Variants in MMP1 observed in about 807,000 individuals in gnomAD.
MMP1 encodes interstitial collagenase.
MMP1 carries 51 observed loss-of-function variants against 49.6 expected under a neutral mutation model. The observed-to-expected ratio is 1.03, with a 90% confidence interval of 0.82 to 1.30. The LOEUF (loss-of-function observed/expected upper bound fraction) is 1.30. Ranked by LOEUF, MMP1 falls within the 50% of genes most tolerant of loss-of-function variation. The probability of loss-of-function intolerance (pLI) is 0.00; values close to 1 mark genes in which losing one functional copy is unlikely to be tolerated. For synonymous variants in MMP1, 230 were observed against 196.8 expected (o/e 1.17, Z -1.41); for missense variants, 623 against 568.7 (o/e 1.10, Z -0.97).
At chr11:102,791,565 A>G in intron 7 of MMP1, 70 bp from the exon 8 acceptor site, 4 of 1,557,676 alleles carry the variant, frequency 2.6e-6, no homozygotes, top group Non-Finnish European at 3.5e-6. Context: ...ATTTTCAGCT[A>G]AGTTCTTAGT....
At chr11:102,795,665 T>C in intron 4 of MMP1, 58 bp from the exon 5 acceptor site, 1 of 1,397,314 alleles carries the variant, frequency 7.2e-7, no homozygotes, top group Non-Finnish European at 9.7e-7. Flanking sequence ...TTTTGAGGCA[T>C]TTAACTAATA....
At chr11:102,796,824 T>C (rs374132187) in intron 3 of MMP1, 35 bp from the exon 4 acceptor site, 7 of 1,606,492 alleles carry the variant, frequency 4.4e-6, no homozygotes, top group Non-Finnish European at 5.1e-6. Context: ...TTCCTTGTGG[T>C]TCTTATGTAA....
Position 102,790,413 on chromosome 11 carries a change from C to A in MMP1, c.1409G>T (p.Ter470LeuextTer5). 2 of 1,576,086 alleles carry A rather than the reference C, an allele frequency of 1.3e-6. No individual in the cohort carries two copies. The highest frequency in any genetic ancestry group is 1.1e-5 in the South Asian group (1 of 87,042). Residue 470 changes from the stop codon to leucine (L), a stop_lost, in exon 10 of 10, where the codon TGA (stop) becomes TTA (leucine). Transcript: ENST00000315274. ...GTTTTCCATTCAAATTAGTAATGTTCAATTTTTCCTGCAGTTGAACCAGCT... is the reference window on the plus strand; with the variant it reads ...GTTTTCCATTCAAATTAGTAATGTTAAATTTTTCCTGCAGTTGAACCAGCT... ...ANSWFNCRKN[*>L]
At chr11:102,792,103 C>G (rs931045123) in intron 7 of MMP1, among the ~76,000 whole-genome samples, 3 of 152,282 alleles carry the variant, frequency 2.0e-5, no homozygotes, top group Admixed American at 1.3e-4. Flanking sequence ...GAATTTGAAA[C>G]TTTCTGTCTC....
chr11:102,796,923 A>G, intron 3 of MMP1, 91 bp downstream of exon 3: 2 of 1,541,072 alleles, frequency 1.3e-6, no homozygotes, highest in East Asian at 4.5e-5. Flanking sequence ...GAGCCCATAA[A>G]ATCAACATTC....
rs748413069 is a variant in MMP1, at chr11:102,790,457, C to T, written c.1365G>A (p.Leu455=). The change falls in exon 10 of 10, where the codon TTG becomes TTA. Residue 455 remains leucine, a synonymous_variant. Coordinates refer to ENST00000315274, the MANE Select transcript of MMP1 (RefSeq NM_002421.4). ...YKFDPKTKRI[L]TLQKANSWFN... Reference sequence around the variant, plus strand: ...ACCAGCTATTAGCTTTCTGGAGAGTCAAAATTCTCTTCGTTTTAGGATCAA... The same window carrying T: ...ACCAGCTATTAGCTTTCTGGAGAGTTAAAATTCTCTTCGTTTTAGGATCAA... 6.2e-7 allele frequency: 1 copy of T among 1,611,004 alleles called. No individual in the cohort carries two copies. Among genetic ancestry groups the T allele is most frequent in the Middle Eastern group, 1.7e-4 (1 of 5,904 alleles).
Position 102,791,463 on chromosome 11 carries a change from C to T in MMP1, c.1066G>A (p.Val356Met), listed in dbSNP as rs368596887. The T allele has an allele frequency of 2.5e-6, 4 of 1,613,896 alleles. No individual in the cohort carries two copies. Among genetic ancestry groups the T allele is most frequent in the East Asian group, 4.5e-5 (2 of 44,902 alleles). The change falls in exon 8 of 10, where the codon GTG becomes ATG. Residue 356 changes from valine (V) to methionine (M), a missense_variant. By Grantham distance (21) the Val-to-Met change is conservative (BLOSUM62 1). Coordinates refer to ENST00000315274, the MANE Select transcript of MMP1 (RefSeq NM_002421.4). ...NKYWAVQGQN[V>M]LHGYPKDIYS... ...ATGTCCTTGGGGTATCCGTGTAGCA[C>T]ATTCTGTCCCTGAACAGCCCAGTAC...
chr11:102,792,728 G>GC lies in MMP1; in HGVS notation c.909dup (p.Arg304AlafsTer10). On this transcript the variant is annotated frameshift_variant, in exon 7 of 10. Coordinates refer to ENST00000315274, the MANE Select transcript of MMP1 (RefSeq NM_002421.4). LOFTEE classifies it high-confidence loss of function. Reference sequence around the variant, plus strand: ...ACTTCCGGGTAGAAGGGATTTGTGCGCATGTAGAATCTGATTAGAAAAAAA... The same window carrying GC: ...ACTTCCGGGTAGAAGGGATTTGTGCGCCATGTAGAATCTGATTAGAAAAAAA... The GC allele has an allele frequency of 6.2e-7, 1 of 1,611,668 alleles. No individual in the cohort carries two copies. The highest frequency in any genetic ancestry group is 1.1e-5 in the South Asian group (1 of 90,668).
chr11:102,790,633 G>A (rs1249145023), intron 9 of MMP1, 70 bp downstream of exon 9: 5 of 1,371,696 alleles, frequency 3.6e-6, no homozygotes, highest in South Asian at 2.4e-5. Context: ...GGCATTTGCT[G>A]TTCCAACTAA....
At chr11:102,790,990 C>T (rs547794642) in intron 8 of MMP1, among the ~76,000 whole-genome samples, 184 bp from the exon 9 acceptor site, 2 of 152,342 alleles carry the variant, frequency 1.3e-5, no homozygotes, top group Non-Finnish European at 2.9e-5. Context: ...TAAGGCCCCT[C>T]TGAAATCCAG....
Position 102,795,289 on chromosome 11 carries a change from G to C in MMP1, c.784C>G (p.Arg262Gly), listed in dbSNP as rs12282811. 9 of 1,613,688 alleles carry C rather than the reference G, an allele frequency of 5.6e-6. No homozygotes were observed. The highest frequency in any genetic ancestry group is 5.3e-5 in the African/African-American group (4 of 74,904). ...DIDGIQAIYG[R>G]SQNPVQPIGP... is the part of the protein sequence containing the mutation. The stretch of plus-strand genomic sequence containing the variant: ...ATGGGCTGGACAGGATTTTGGGAAC[G>C]TCCTAAGGAAAATAAAATACCTAGA... The change falls in exon 6 of 10, where the codon CGT (arginine) becomes GGT (glycine). Residue 262 changes from arginine (R) to glycine (G), a missense_variant and splice_region_variant. Transcript: ENST00000315274.
At position 102,798,044 on chromosome 11, in the gene MMP1, A is replaced by T. The variant is rs1212303526; in HGVS notation, c.49T>A (p.Ser17Thr). Residue 17 changes from serine to threonine, a missense_variant, in exon 1 of 10, where the codon TCT (serine) becomes ACT (threonine). Ser to Thr is a moderately conservative substitution (Grantham distance 58, BLOSUM62 1). Transcript: ENST00000315274. The part of the protein sequence containing the change: ...LLLLLFWGVV[S>T]HSFPATLETQ... ...TCTAGAGTCGCTGGGAAGCTGTGAG[A>T]CACCACACCCCAGAACAGCAGCAGC... The T allele has an allele frequency of 1.9e-6, 3 of 1,613,534 alleles. No homozygotes were observed. The highest frequency in any genetic ancestry group is 1.7e-6 in the Non-Finnish European group (2 of 1,179,972).
rs552936700 is a variant in MMP1, at chr11:102,794,941, A to G, written c.899+233T>C. ...GCTAATCTGTAAAAAAAGATCATAC[A>G]TACTGATTTTCAAAATCAACTATAT... On this transcript the variant is annotated intron_variant, in intron 6 of 9. Coordinates refer to ENST00000315274, the MANE Select transcript of MMP1 (RefSeq NM_002421.4). This position sits in a 1 kb window ranked among gnomAD's most constrained non-coding sequence, Gnocchi z 4.3. Among the ~76,000 whole-genome samples the G allele has an allele frequency of 6.6e-6, 1 of 152,352 alleles. No homozygotes were observed. The highest frequency in any genetic ancestry group is 1.9e-4 in the East Asian group (1 of 5,188).
At position 102,790,191 on chromosome 11, in the gene MMP1, C is replaced by T; in HGVS notation, c.*221G>A. 1 of 364,640 alleles carries T rather than the reference C, an allele frequency of 2.7e-6. No individual in the cohort carries two copies. Among genetic ancestry groups the T allele is most frequent in the East Asian group, 4.9e-5 (1 of 20,448 alleles). 22.6% of individuals were successfully genotyped at this position (364,640 alleles called of 1,614,324 possible). On this transcript the variant is annotated 3_prime_UTR_variant, in exon 10 of 10. Coordinates refer to ENST00000315274, the MANE Select transcript of MMP1 (RefSeq NM_002421.4). ...CCTATATGAATCCATAAGCCACAAA[C>T]TTGACTTTTTGTACCCACCATTTGT... is the stretch of plus-strand genomic sequence containing the variant.
rs189889879 is a variant in MMP1 at position 102,791,015 on chromosome 11, G to A, written c.1197-209C>T. 4.6e-5 allele frequency among the ~76,000 whole-genome samples: 7 copies of A among 152,338 alleles called. No homozygotes were observed. The East Asian group carries it at 9.6e-4, about 21-fold the overall frequency. ...CTGAAATCCAGCATCGAATTCTCCA[G>A]TAGGTTCTACGCTATGTCCTATCGA... On this transcript the variant is annotated intron_variant, in intron 8 of 9. Transcript: ENST00000315274.
At position 102,795,200 on chromosome 11, in the gene MMP1, C is replaced by T. The variant is rs768176596; in HGVS notation, c.873G>A (p.Arg291=). Residue 291 remains arginine, a synonymous_variant, in exon 6 of 10, where the codon CGG becomes CGA. Transcript: ENST00000315274. ...KLTFDAITTI[R]GEVMFFKDRF... ...TGTCTTTAAAGAACATCACTTCTCCCCGAATCGTAGTTATAGCATCAAAGG... is the reference window on the plus strand; with the variant it reads ...TGTCTTTAAAGAACATCACTTCTCCTCGAATCGTAGTTATAGCATCAAAGG... 9 of 1,613,860 alleles carry T rather than the reference C, an allele frequency of 5.6e-6. No homozygotes were observed. The highest frequency in any genetic ancestry group is 2.2e-5 in the South Asian group (2 of 91,066).
chr11:102,797,795 T>C (rs1244311166), intron 1 of MMP1, among the ~76,000 whole-genome samples, 193 bp downstream of exon 1: 2 of 152,128 alleles, frequency 1.3e-5, no homozygotes, highest in Non-Finnish European at 2.9e-5. Context: ...GTTCCTTTAG[T>C]TCACTCTCAC....
chr11:102,797,313 G>A lies in MMP1; in HGVS notation c.293C>T (p.Ala98Val). The A allele has an allele frequency of 6.2e-7, 1 of 1,614,172 alleles. No homozygotes were observed. Among genetic ancestry groups the A allele is most frequent in the Non-Finnish European group, 8.5e-7 (1 of 1,180,036 alleles). ...KQPRCGVPDV[A>V]QFVLTEGNPR... is the part of the protein sequence containing the mutation. ...GTTCCCCTCAGTGAGGACAAACTGA[G>A]CCACATCAGGCACTCCACATCTGGG... Residue 98 changes from alanine (A) to valine (V), a missense_variant, in exon 2 of 10, where the codon GCT becomes GTT. Coordinates refer to ENST00000315274, the MANE Select transcript of MMP1 (RefSeq NM_002421.4).
intron 7 of MMP1, among the ~76,000 whole-genome samples, chr11:102,792,278 A>G (rs1858051307): frequency 6.6e-6 from 1 of 152,224 alleles, no homozygotes; most frequent in South Asian, 2.1e-4. Flanking sequence ...GGTGCGTGGC[A>G]TAGTGTCTCG....
Sources: gnomAD v4.1 joint callset for allele counts (sites outside exome capture counted in the v4.1 genomes callset) on GRCh38, gnomAD v4.1.1 for gene constraint, Gnocchi (gnomAD v3.1) non-coding constraint, MANE v1.5 for transcripts, NCBI Gene and HGNC (gene_info 2026-07-23, HGNC 2026-07-21) for gene names.